Variants in TANC1 observed in about 807,000 individuals in gnomAD.
TANC1 encodes protein TANC1.
A neutral mutation model predicts 149.7 loss-of-function variants in TANC1; 77 were observed. The ratio of observed to expected loss-of-function variants is 0.51; its 90% confidence interval spans 0.43 to 0.62. The LOEUF (loss-of-function observed/expected upper bound fraction) is 0.62. Among genes scored for constraint, TANC1 ranks in the 20% least tolerant of loss-of-function variants. The pLI is 0.00. For missense variants in TANC1, 1,985 were observed against 2,321.8 expected (o/e 0.85, Z 2.98); for synonymous variants, 854 against 925.0 (o/e 0.92, Z 1.39).
chr2:159,116,869 CAAG>C (rs995504360), intron 4 of TANC1, among the ~76,000 whole-genome samples: 13 of 152,222 alleles, frequency 8.5e-5, no homozygotes, highest in African/African-American at 2.9e-4. Flanking sequence ...TGGAGCGCCC[CAAG>C]AGCTTAGTTA....
intron 2 of TANC1, among the ~76,000 whole-genome samples, chr2:159,025,691 A>G (rs2039283744): frequency 6.6e-6 from 1 of 152,306 alleles, no homozygotes; most frequent in African/African-American, 2.4e-5. Context: ...GGGCTTTACT[A>G]TAATACCATA....
At chr2:159,199,297 T>G (rs1415935999) in intron 19 of TANC1, among the ~76,000 whole-genome samples, 1 of 152,264 alleles carries the variant, frequency 6.6e-6, no homozygotes, top group Non-Finnish European at 1.5e-5. Context: ...GCAGTTACGG[T>G]ACATCTGATG....
chr2:159,163,242 G>A (rs2054232108), intron 7 of TANC1, 41 bp from the exon 8 acceptor site: 1 of 1,591,992 alleles, frequency 6.3e-7, no homozygotes, highest in Non-Finnish European at 8.6e-7. Context: ...AGCCCCAGCT[G>A]TGCCTGGCCT....
At chr2:159,078,672 A>G (rs913911693) in intron 3 of TANC1, among the ~76,000 whole-genome samples, 3 of 152,142 alleles carry the variant, frequency 2.0e-5, no homozygotes, top group Non-Finnish European at 2.9e-5. Context: ...CCCTCCATCC[A>G]TTAAATTGTT....
chr2:159,219,977 AGTGTGTGTGTGTGTGTGTGT>A lies in TANC1; in HGVS notation c.3678+135_3678+154del, dbSNP rs760037919. On this transcript the variant is annotated intron_variant, in intron 22 of 26. Transcript: ENST00000263635. ...AGGTTGTGTCTCAGTGTCATCAGAG[AGTGTGTGTGTGTGTGTGTGT>A]GTGTGTGTGTGTGTGTGTGTGTGTC... 132 of 560,684 alleles carry A rather than the reference AGTGTGTGTGTGTGTGTGTGT, an allele frequency of 2.4e-4. No individual in the cohort carries two copies. In the African/African-American group the frequency reaches 2.4e-3, roughly 10 times the overall value. 34.7% of individuals were successfully genotyped at this position (560,684 alleles called of 1,614,324 possible).
At chr2:159,227,138 G>A (rs1231295563) in intron 24 of TANC1, 2 of 137,830 alleles carry the variant, frequency 1.5e-5, no homozygotes, top group African/African-American at 5.4e-5. Context: ...CAGGGTTCCT[G>A]GCTTGGAATC....
At chr2:159,116,063 G>C (rs1314326595) in intron 4 of TANC1, among the ~76,000 whole-genome samples, 1 of 152,146 alleles carries the variant, frequency 6.6e-6, no homozygotes, top group Non-Finnish European at 1.5e-5. Context: ...CCTCAAGAGA[G>C]AAAAGAGGAT....
intron 7 of TANC1, among the ~76,000 whole-genome samples, chr2:159,154,223 G>A (rs1364671273): frequency 6.6e-6 from 1 of 152,156 alleles, no homozygotes. Context: ...TTTATTCAGA[G>A]CAGTTTGGGG....
chr2:158,984,089 C>T (rs565619815), intron 1 of TANC1, among the ~76,000 whole-genome samples: 7 of 152,322 alleles, frequency 4.6e-5, no homozygotes, highest in Non-Finnish European at 1.0e-4. Context: ...AGTGCCTGTT[C>T]TCTCAGAATG....
intron 2 of TANC1, among the ~76,000 whole-genome samples, chr2:159,034,868 C>T (rs571124295): frequency 2.6e-5 from 4 of 152,168 alleles, no homozygotes; most frequent in Admixed American, 6.5e-5. Context: ...ACGAACTCAC[C>T]GACGCTGGCT....
At chr2:159,107,803 G>A (rs1574709889) in intron 4 of TANC1, among the ~76,000 whole-genome samples, 1 of 152,280 alleles carries the variant, frequency 6.6e-6, no homozygotes, top group East Asian at 1.9e-4. Context: ...CTCTAGGTGA[G>A]AAGTAATATC....
intron 4 of TANC1, among the ~76,000 whole-genome samples, chr2:159,120,481 T>G (rs955380046): frequency 1.3e-5 from 2 of 152,176 alleles, no homozygotes; most frequent in Non-Finnish European, 2.9e-5. Context: ...AAGCATTTTA[T>G]GTACAAATGA....
Position 159,003,770 on chromosome 2 carries a change from C to T in TANC1, c.-16+2581C>T, listed in dbSNP as rs576500038. Among the ~76,000 whole-genome samples, 21 of 152,312 alleles carry T rather than the reference C, an allele frequency of 1.4e-4. 1 individual carries two copies. The highest frequency in any genetic ancestry group is 1.0e-3 in the South Asian group (5 of 4,824). ...CCGCAGTCGTCGTCTTTCTCTGTCT[C>T]GGCTGAGGCAGCCATCTTGCTCTTG... is the stretch of plus-strand genomic sequence containing the variant. On this transcript the variant is annotated intron_variant, in intron 2 of 26. Coordinates refer to ENST00000263635, the MANE Select transcript of TANC1 (RefSeq NM_033394.3).
At chr2:159,219,384 G>C (rs774892036) in intron 21 of TANC1, 23 bp downstream of exon 21, 4 of 1,613,484 alleles carry the variant, frequency 2.5e-6, no homozygotes, top group Non-Finnish European at 3.4e-6. Flanking sequence ...TGCCCTCAAA[G>C]GTTTCTTTTG....
At chr2:159,152,513 A>G (rs956811105) in intron 7 of TANC1, among the ~76,000 whole-genome samples, 8 of 138,516 alleles carry the variant, frequency 5.8e-5, no homozygotes, top group Non-Finnish European at 1.1e-4. Flanking sequence ...TTTTCTTGAG[A>G]CAGGGTTTTG....
intron 2 of TANC1, among the ~76,000 whole-genome samples, chr2:159,062,891 C>T (rs1206206771): frequency 4.2e-5 from 6 of 143,014 alleles, no homozygotes; most frequent in Admixed American, 2.3e-4. Context: ...GGCGTGAACC[C>T]GGGAAGCGGA....
chr2:159,107,006 G>C (rs2047248268), intron 4 of TANC1, among the ~76,000 whole-genome samples: 1 of 150,118 alleles, frequency 6.7e-6, no homozygotes. Flanking sequence ...TTTTATTGGT[G>C]GCTTTTTTGT....
intron 4 of TANC1, among the ~76,000 whole-genome samples, chr2:159,122,481 CTT>C (rs544995373): frequency 6.6e-6 from 1 of 151,816 alleles, no homozygotes; most frequent in African/African-American, 2.4e-5. Flanking sequence ...CAAAAATGAA[CTT>C]TTTTTTCTCA....
At chr2:159,166,502 A>G (rs751720560) in intron 8 of TANC1, among the ~76,000 whole-genome samples, 4 of 152,204 alleles carry the variant, frequency 2.6e-5, no homozygotes, top group Non-Finnish European at 4.4e-5. Context: ...CAACAAGTGT[A>G]TAATTAATTT....
Sources: allele counts gnomAD v4.1 joint callset (sites outside exome capture counted in the v4.1 genomes callset), GRCh38; gene constraint gnomAD v4.1.1; transcripts MANE v1.5; gene names NCBI Gene and HGNC (gene_info 2026-07-23, HGNC 2026-07-21).